Variants in OTUD7A observed in about 807,000 individuals in gnomAD.
OTUD7A encodes OTU deubiquitinase 7A, also known as OTU domain-containing protein 7A.
Under a neutral mutation model 65.7 loss-of-function variants are expected in OTUD7A, and 12 were observed. The observed-to-expected ratio is 0.18, with a 90% CI of 0.12 to 0.30. OTUD7A has a LOEUF of 0.30. Among genes scored for constraint, OTUD7A ranks in the 10% least tolerant of loss-of-function variants. The pLI, the probability that OTUD7A is intolerant of heterozygous loss-of-function variation, is 1.00. For synonymous variants in OTUD7A, 641 were observed against 586.3 expected (o/e 1.09, Z -1.35); for missense variants, 1,148 against 1,304.8 (o/e 0.88, Z 1.85).
At chr15:31,670,864 G>A (rs1447104483) in intron 1 of OTUD7A, among the ~76,000 whole-genome samples, 44 of 152,130 alleles carry the variant, frequency 2.9e-4, no homozygotes, top group African/African-American at 8.0e-4. Context: ...GCGTGGTGGC[G>A]GGCGCCTGTA....
intron 8 of OTUD7A, among the ~76,000 whole-genome samples, chr15:31,518,294 A>G (rs1018320898): frequency 7.9e-5 from 12 of 152,094 alleles, no homozygotes; most frequent in Non-Finnish European, 1.6e-4. Context: ...CAACATGGTG[A>G]AACCCTGTCT....
chr15:31,765,748 A>T (rs1895078611), intron 1 of OTUD7A: 9 of 1,253,196 alleles, frequency 7.2e-6, no homozygotes, highest in Non-Finnish European at 1.0e-5. Flanking sequence ...TTCAGCTAGT[A>T]TCTTAGACTA....
At chr15:31,535,566 T>C (rs28513319) in intron 5 of OTUD7A, among the ~76,000 whole-genome samples, 60,210 of 151,908 alleles carry the variant, frequency 0.4, 12,443 homozygotes, top group East Asian at 0.68. Flanking sequence ...AAGACTCATA[T>C]AAGAAATTCA....
chr15:31,660,042 C>T (rs1892115433), intron 1 of OTUD7A, among the ~76,000 whole-genome samples: 1 of 152,296 alleles, frequency 6.6e-6, no homozygotes, highest in African/African-American at 2.4e-5. Flanking sequence ...ACTGAAAGAA[C>T]ATGCACTATT....
intron 3 of OTUD7A, among the ~76,000 whole-genome samples, chr15:31,617,694 G>C (rs1477764771): frequency 4.6e-5 from 7 of 152,118 alleles, no homozygotes. Flanking sequence ...AAGGTGCAGT[G>C]ATAGGAAGAG....
intron 1 of OTUD7A, among the ~76,000 whole-genome samples, chr15:31,838,377 C>A (rs575284519): frequency 2.6e-5 from 4 of 152,276 alleles, no homozygotes; most frequent in Admixed American, 6.5e-5. Flanking sequence ...ACTAGCACTG[C>A]CATCATCCAG....
intron 1 of OTUD7A, among the ~76,000 whole-genome samples, chr15:31,683,889 A>G (rs1029956280): frequency 6.6e-6 from 1 of 152,214 alleles, no homozygotes; most frequent in African/African-American, 2.4e-5. Flanking sequence ...TTATAGGATC[A>G]GCTGTTTGAG....
chr15:31,611,302 G>A (rs565718358), intron 3 of OTUD7A, among the ~76,000 whole-genome samples: 30 of 152,178 alleles, frequency 2.0e-4, no homozygotes, highest in African/African-American at 6.7e-4. Context: ...AAATAACCAA[G>A]ATCAGAGCAG....
chr15:31,664,760 A>G (rs971705992), intron 1 of OTUD7A, among the ~76,000 whole-genome samples: 3 of 152,182 alleles, frequency 2.0e-5, no homozygotes, highest in African/African-American at 7.2e-5. Context: ...GGGTTTTCCA[A>G]TGTTATCTTC....
intron 3 of OTUD7A, among the ~76,000 whole-genome samples, chr15:31,575,055 A>C (rs1595622305): frequency 6.6e-6 from 1 of 152,234 alleles, no homozygotes; most frequent in South Asian, 2.1e-4. Flanking sequence ...CTGCCTCCTG[A>C]CTGTGAAACA....
chr15:31,584,135 CAAGGG>C (rs1889456631), intron 3 of OTUD7A, among the ~76,000 whole-genome samples: 1 of 152,132 alleles, frequency 6.6e-6, no homozygotes, highest in Admixed American at 6.5e-5. Context: ...AACAGGAACA[CAAGGG>C]AAGCTTTAAT....
intron 1 of OTUD7A, among the ~76,000 whole-genome samples, chr15:31,772,251 C>CAAA (rs34676002): frequency 7.4e-5 from 6 of 80,680 alleles, no homozygotes; most frequent in East Asian, 3.8e-4. Flanking sequence ...GACTCCGTCT[C>CAAA]AAAAAAAAAA....
chr15:31,513,445 C>T (rs1236849373), intron 8 of OTUD7A, among the ~76,000 whole-genome samples: 1 of 152,198 alleles, frequency 6.6e-6, no homozygotes, highest in Non-Finnish European at 1.5e-5. Flanking sequence ...CCAATAATGC[C>T]TTTTAGAACA....
At chr15:31,503,945 G>T in intron 8 of OTUD7A, 127 bp from the exon 9 acceptor site, 1 of 1,161,952 alleles carries the variant, frequency 8.6e-7, no homozygotes, top group Non-Finnish European at 1.2e-6. Context: ...GACCCCGGCA[G>T]CTGCGCCATC....
intron 1 of OTUD7A, among the ~76,000 whole-genome samples, chr15:31,800,098 A>G (rs1417284097): frequency 6.6e-6 from 1 of 152,180 alleles, no homozygotes; most frequent in Non-Finnish European, 1.5e-5. Flanking sequence ...TGATATTAGG[A>G]GCACACATCC....
intron 1 of OTUD7A, among the ~76,000 whole-genome samples, chr15:31,819,034 G>A (rs772305363): frequency 3.3e-5 from 5 of 152,136 alleles, no homozygotes; most frequent in Non-Finnish European, 5.9e-5. Flanking sequence ...AAAAGAACTG[G>A]CCAGTTTGTA....
intron 1 of OTUD7A, among the ~76,000 whole-genome samples, chr15:31,793,336 A>C (rs1312678132): frequency 6.6e-6 from 1 of 152,080 alleles, no homozygotes; most frequent in African/African-American, 2.4e-5. Flanking sequence ...CACTGTGTCC[A>C]AGAGCATCAC....
In OTUD7A at chr15:31,774,598, T is replaced by C. The variant is rs547912165; in HGVS notation, c.-100+95909A>G. Among the ~76,000 whole-genome samples the C allele has an allele frequency of 1.0e-3, 155 of 152,312 alleles. 1 individual carries two copies. Among genetic ancestry groups the C allele is most frequent in the Non-Finnish European group, 1.7e-3 (118 of 68,026 alleles). Reference sequence around the variant, plus strand: ...GTTAGTATCAGGCACATAAACACAGTCAGGTGCATCTCCAGAGGGGGATCT... The same window carrying C: ...GTTAGTATCAGGCACATAAACACAGCCAGGTGCATCTCCAGAGGGGGATCT... On this transcript the variant is annotated intron_variant, in intron 1 of 12. Coordinates refer to ENST00000307050, the MANE Select transcript of OTUD7A (RefSeq NM_001382637.1).
At chr15:31,653,805 C>T (rs2141276523) in intron 3 of OTUD7A, among the ~76,000 whole-genome samples, 1 of 152,322 alleles carries the variant, frequency 6.6e-6, no homozygotes, top group Admixed American at 6.5e-5. Context: ...ACAACTCTTG[C>T]TTCCTATAAG....
Sources: gnomAD v4.1 joint callset for allele counts (sites outside exome capture counted in the v4.1 genomes callset) on GRCh38, gnomAD v4.1.1 for gene constraint, MANE v1.5 for transcripts, NCBI Gene and HGNC (gene_info 2026-07-23, HGNC 2026-07-21) for gene names.